The following ANKRD45 variants were observed in gnomAD, a reference collection of about 807,000 sequenced individuals.
ANKRD45 encodes ankyrin repeat domain-containing protein 45.
In ANKRD45, 21 loss-of-function variants were observed where a neutral mutation model predicts 28.1. That is an observed-to-expected ratio of 0.75 (90% CI 0.53 to 1.08). ANKRD45 has a LOEUF of 1.08. Ranked by LOEUF, ANKRD45 falls within the 50% of genes least tolerant of loss-of-function variation. ANKRD45 has a pLI of 0.00. For synonymous variants in ANKRD45, 86 were observed against 103.9 expected, an observed-to-expected ratio of 0.83 and a Z score of 1.05; for missense variants, 261 against 308.7, an observed-to-expected ratio of 0.85 and a Z score of 1.16.
chr1:173,688,313 TCTCTTTCTCTCTCTGACTCC>T, the ANKRD45 span, among the ~76,000 whole-genome samples: 537 of 151,244 alleles, frequency 3.6e-3, 5 homozygotes, highest in African/African-American at 0.012. Context: ...ACTTTCTGTC[TCTCTTTCTCTCTCTGACTCC>T]CTCTTTCTCT....
At chr1:173,671,513 A>G (rs1447452040), upstream of ANKRD45, among the ~76,000 whole-genome samples, 1 of 152,158 alleles carries the variant, frequency 6.6e-6, no homozygotes, top group Non-Finnish European at 1.5e-5. Context: ...GCACATGTGG[A>G]TAGCCCATCC....
intron 3 of ANKRD45, among the ~76,000 whole-genome samples, chr1:173,638,736 A>T (rs1668572713): frequency 6.6e-6 from 1 of 152,200 alleles, no homozygotes; most frequent in African/African-American, 2.4e-5. Context: ...AAGGTGGCTT[A>T]CTGACTCCAG....
At chr1:173,708,575 G>A in the ANKRD45 span, among the ~76,000 whole-genome samples, 31 of 152,330 alleles carry the variant, frequency 2.0e-4, no homozygotes, top group African/African-American at 7.2e-4. Context: ...AAGGTATTTT[G>A]CTACAGAAGC....
intron 3 of ANKRD45, among the ~76,000 whole-genome samples, chr1:173,633,493 T>C (rs1293825357): frequency 6.6e-6 from 1 of 151,702 alleles, no homozygotes; most frequent in Non-Finnish European, 1.5e-5. Flanking sequence ...GAAAAAACAA[T>C]ACTAAAATTT....
At chr1:173,621,305 A>G (rs1006668740) in intron 5 of ANKRD45, among the ~76,000 whole-genome samples, 5 of 152,230 alleles carry the variant, frequency 3.3e-5, no homozygotes, top group Non-Finnish European at 7.3e-5. Flanking sequence ...AACTCATTGT[A>G]TGAGGCCAGC....
intron 2 of ANKRD45, among the ~76,000 whole-genome samples, chr1:173,650,501 T>C (rs1049697392): frequency 2.0e-5 from 3 of 152,246 alleles, no homozygotes; most frequent in African/African-American, 4.8e-5. Flanking sequence ...CAGTCTATCA[T>C]TGATGGGCAC....
chr1:173,680,111 C>T, the ANKRD45 span, among the ~76,000 whole-genome samples: 1 of 152,166 alleles, frequency 6.6e-6, no homozygotes. Context: ...TTAGTTCAAC[C>T]ATTGCGGAAG....
chr1:173,708,006 T>G, the ANKRD45 span, among the ~76,000 whole-genome samples: 1 of 152,256 alleles, frequency 6.6e-6, no homozygotes. Context: ...TGCATTTATC[T>G]GTTTATATGC....
At chr1:173,679,717 C>T in the ANKRD45 span, among the ~76,000 whole-genome samples, 1 of 152,156 alleles carries the variant, frequency 6.6e-6, no homozygotes, top group Non-Finnish European at 1.5e-5. Context: ...AACTAAAGAG[C>T]TTCTGCACAG....
At chr1:173,615,461 T>G (rs1312772728) in intron 5 of ANKRD45, among the ~76,000 whole-genome samples, 1 of 152,068 alleles carries the variant, frequency 6.6e-6, no homozygotes, top group Non-Finnish European at 1.5e-5. Flanking sequence ...CAAGAACGAT[T>G]TAATGTGTCT....
chr1:173,655,825 C>T (rs1558142232), intron 2 of ANKRD45, among the ~76,000 whole-genome samples: 1 of 152,222 alleles, frequency 6.6e-6, no homozygotes, highest in Non-Finnish European at 1.5e-5. Context: ...TGCCCCTCCC[C>T]CTGCCACGCT....
chr1:173,714,109 G>T, the ANKRD45 span, among the ~76,000 whole-genome samples: 27 of 150,626 alleles, frequency 1.8e-4, no homozygotes, highest in African/African-American at 6.1e-4. Context: ...AACAGCTAAA[G>T]AAAATCTGGT....
chr1:173,654,007 A>C (rs966638342), intron 2 of ANKRD45, among the ~76,000 whole-genome samples: 1 of 148,424 alleles, frequency 6.7e-6, no homozygotes, highest in East Asian at 2.0e-4. Context: ...GTCTCTGCAC[A>C]TGAGATGGGT....
intron 2 of ANKRD45, among the ~76,000 whole-genome samples, chr1:173,653,009 A>C (rs1202040493): frequency 6.6e-6 from 1 of 152,002 alleles, no homozygotes; most frequent in Non-Finnish European, 1.5e-5. Flanking sequence ...TAGTCTTGTT[A>C]GCAGTCTATC....
At chr1:173,684,715 T>C in the ANKRD45 span, among the ~76,000 whole-genome samples, 4,173 of 152,290 alleles carry the variant, frequency 0.027, 204 homozygotes, top group African/African-American at 0.096. Context: ...AGGTGCAACA[T>C]TGAGTTTTAA....
the ANKRD45 span, among the ~76,000 whole-genome samples, chr1:173,691,711 C>T: frequency 4.6e-5 from 7 of 152,126 alleles, no homozygotes; most frequent in South Asian, 2.1e-4. Context: ...GGCAAGAACC[C>T]GGAAGACAGA....
intron 1 of ANKRD45, among the ~76,000 whole-genome samples, chr1:173,666,244 T>C (rs1315157258): frequency 6.6e-6 from 1 of 152,194 alleles, no homozygotes; most frequent in Non-Finnish European, 1.5e-5. Flanking sequence ...CCCTCAGACC[T>C]GGATTGGAAC....
At chr1:173,639,280 A>G (rs1038437511) in intron 3 of ANKRD45, among the ~76,000 whole-genome samples, 5 of 152,316 alleles carry the variant, frequency 3.3e-5, no homozygotes, top group Admixed American at 3.3e-4. Flanking sequence ...TAGCTATTGT[A>G]CATGTCCCAG....
intron 5 of ANKRD45, among the ~76,000 whole-genome samples, chr1:173,611,289 G>C (rs1667137728): frequency 6.6e-6 from 1 of 151,982 alleles, no homozygotes; most frequent in Non-Finnish European, 1.5e-5. Flanking sequence ...TTATACTTAG[G>C]CTTCTCTGAT....
Sources: gnomAD v4.1 joint callset for allele counts (sites outside exome capture counted in the v4.1 genomes callset) on GRCh38, gnomAD v4.1.1 for gene constraint, MANE v1.5 for transcripts, NCBI Gene and HGNC (gene_info 2026-07-23, HGNC 2026-07-21) for gene names.